Variants in TEC observed in about 807,000 individuals in gnomAD.
The protein encoded by TEC is tyrosine-protein kinase Tec.
TEC carries 72 observed loss-of-function variants against 93.0 expected under a neutral mutation model. The ratio of observed to expected loss-of-function variants is 0.77; its 90% CI spans 0.64 to 0.94. The LOEUF is 0.94. TEC is among the 40% of genes least tolerant of loss of function. TEC has a pLI of 0.00. For missense variants in TEC, 630 were observed against 757.9 expected, an observed-to-expected ratio of 0.83 and a Z score of 1.98; for synonymous variants, 249 against 247.7, an observed-to-expected ratio of 1.01 and a Z score of -0.05.
intron 2 of TEC, among the ~76,000 whole-genome samples, chr4:48,192,334 C>T (rs1369586723): frequency 6.6e-6 from 1 of 152,036 alleles, no homozygotes; most frequent in Non-Finnish European, 1.5e-5. Context: ...TCAGCGATTA[C>T]CTAGGGATGG....
chr4:48,243,634 A>G (rs1484505506), intron 1 of TEC, among the ~76,000 whole-genome samples: 1 of 152,228 alleles, frequency 6.6e-6, no homozygotes, highest in Non-Finnish European at 1.5e-5. Flanking sequence ...ATACCCTAGT[A>G]AAAGGGACAG....
intron 1 of TEC, among the ~76,000 whole-genome samples, chr4:48,257,334 C>T (rs1724369520): frequency 6.6e-6 from 1 of 152,096 alleles, no homozygotes. Context: ...ATCTTAAGGT[C>T]TATATAGTTA....
chr4:48,151,549 C>T (rs867488756), intron 9 of TEC, among the ~76,000 whole-genome samples: 2 of 152,102 alleles, frequency 1.3e-5, no homozygotes, highest in African/African-American at 2.4e-5. Flanking sequence ...TGCAGTGGTG[C>T]GATCTCAGCT....
chr4:48,153,856 T>C (rs971691272), intron 9 of TEC, among the ~76,000 whole-genome samples: 2 of 152,206 alleles, frequency 1.3e-5, no homozygotes, highest in African/African-American at 4.8e-5. Flanking sequence ...AATTGTAGCC[T>C]TATGGCCTGG....
intron 3 of TEC, among the ~76,000 whole-genome samples, chr4:48,173,698 C>T (rs1373255067): frequency 2.0e-5 from 3 of 152,230 alleles, no homozygotes; most frequent in Admixed American, 2.0e-4. Context: ...TATCTTCCAT[C>T]CACTCATTCA....
At chr4:48,167,732 C>T in intron 7 of TEC, 46 bp downstream of exon 7, 1 of 1,577,908 alleles carries the variant, frequency 6.3e-7, no homozygotes. Flanking sequence ...CAACACTTGA[C>T]TCCCACCTAC....
chr4:48,247,057 C>A (rs1427391379), intron 1 of TEC, among the ~76,000 whole-genome samples: 4 of 152,108 alleles, frequency 2.6e-5, no homozygotes, highest in Non-Finnish European at 2.9e-5. Context: ...AAGAAAAAGA[C>A]AACCCAGTGT....
intron 11 of TEC, among the ~76,000 whole-genome samples, chr4:48,148,289 AG>A (rs772612453): frequency 1.3e-5 from 2 of 152,194 alleles, no homozygotes; most frequent in Non-Finnish European, 2.9e-5. Flanking sequence ...CTGAAAAAAA[AG>A]TGAACAGTCA....
chr4:48,246,401 T>C (rs567577384), intron 1 of TEC, among the ~76,000 whole-genome samples: 1 of 152,138 alleles, frequency 6.6e-6, no homozygotes, highest in East Asian at 1.9e-4. Context: ...CCAACAACCT[T>C]TTCTGCAGAA....
At chr4:48,250,248 T>G (rs1231225253) in intron 1 of TEC, among the ~76,000 whole-genome samples, 1 of 152,248 alleles carries the variant, frequency 6.6e-6, no homozygotes, top group Non-Finnish European at 1.5e-5. Flanking sequence ...GCATTAGCTC[T>G]GATTCATTCT....
At chr4:48,263,453 C>G (rs1724549664) in intron 1 of TEC, among the ~76,000 whole-genome samples, 2 of 152,212 alleles carry the variant, frequency 1.3e-5, no homozygotes, top group Admixed American at 1.3e-4. Flanking sequence ...GTGGCTCACA[C>G]CTGTAATCTC....
intron 2 of TEC, among the ~76,000 whole-genome samples, chr4:48,222,135 T>C (rs1723286895): frequency 6.6e-6 from 1 of 152,008 alleles, no homozygotes; most frequent in East Asian, 1.9e-4. Context: ...TTTTGAAAGA[T>C]AAAATAGATG....
intron 8 of TEC, among the ~76,000 whole-genome samples, chr4:48,160,065 C>T (rs1382829085): frequency 1.3e-5 from 2 of 152,192 alleles, no homozygotes; most frequent in Non-Finnish European, 2.9e-5. Context: ...AAGCACGTTA[C>T]ATTTATTACC....
intron 2 of TEC, among the ~76,000 whole-genome samples, chr4:48,179,338 GTATATATATATA>G (rs61241595): frequency 0.016 from 814 of 51,628 alleles, 16 homozygotes; most frequent in African/African-American, 0.029. Flanking sequence ...GACGTGGGTA[GTATATATATATA>G]TATATATATA....
intron 1 of TEC, among the ~76,000 whole-genome samples, chr4:48,256,438 A>C (rs112984054): frequency 6.6e-5 from 10 of 151,268 alleles, no homozygotes; most frequent in African/African-American, 2.4e-4. Context: ...TTAAAAAAAA[A>C]AAAAATTAGC....
At chr4:48,249,079 G>T (rs1474981806) in intron 1 of TEC, among the ~76,000 whole-genome samples, 2 of 152,098 alleles carry the variant, frequency 1.3e-5, no homozygotes, top group African/African-American at 4.8e-5. Flanking sequence ...CTTATCAAAA[G>T]AAAAATTTTC....
chr4:48,140,248 C>T (rs1468427346), intron 15 of TEC, among the ~76,000 whole-genome samples: 2 of 152,198 alleles, frequency 1.3e-5, no homozygotes, highest in Non-Finnish European at 2.9e-5. Flanking sequence ...TGGCGCTGCC[C>T]GTTGGCCAGC....
intron 1 of TEC, among the ~76,000 whole-genome samples, chr4:48,236,990 C>T (rs949962860): frequency 4.6e-5 from 7 of 151,946 alleles, no homozygotes; most frequent in African/African-American, 1.7e-4. Context: ...CACTATATGC[C>T]CCACAAATAT....
chr4:48,175,752 A>G (rs1721300022), intron 3 of TEC, among the ~76,000 whole-genome samples: 1 of 152,238 alleles, frequency 6.6e-6, no homozygotes, highest in African/African-American at 2.4e-5. Flanking sequence ...ATTACCCCGA[A>G]GAAGCATAGT....
Sources: allele counts gnomAD v4.1 joint callset (sites outside exome capture counted in the v4.1 genomes callset), GRCh38; gene constraint gnomAD v4.1.1; transcripts MANE v1.5; gene names NCBI Gene and HGNC (gene_info 2026-07-23, HGNC 2026-07-21).